Variants in ZNF577 observed in about 807,000 individuals in gnomAD.
ZNF577 encodes zinc finger protein 577.
A neutral mutation model predicts 13.9 loss-of-function variants in ZNF577; 14 were observed. The ratio of observed to expected loss-of-function variants is 1.00; its 90% CI spans 0.66 to 1.57. ZNF577 has a LOEUF of 1.57. Ranked by LOEUF, ZNF577 falls within the 40% of genes most tolerant of loss-of-function variation. The pLI is 0.00. For synonymous variants in ZNF577, 203 were observed against 202.9 expected (o/e 1.00, Z 0.00); for missense variants, 555 against 579.2 (o/e 0.96, Z 0.43).
chr19:51,880,237 A>T, intron 3 of ZNF577, 86 bp downstream of exon 3: 3 of 1,372,694 alleles, frequency 2.2e-6, no homozygotes, highest in South Asian at 2.4e-5. Flanking sequence ...CCTTTATTAC[A>T]AGGCTGACTT....
intron 10 of ZNF577, among the ~76,000 whole-genome samples, chr19:51,809,288 A>T (rs1191756313): frequency 1.3e-5 from 2 of 152,198 alleles, no homozygotes; most frequent in African/African-American, 4.8e-5. Flanking sequence ...GAACACTTTG[A>T]GCTGTTCCTA....
chr19:51,841,356 C>A (rs949008614), intron 8 of ZNF577, among the ~76,000 whole-genome samples: 2 of 152,188 alleles, frequency 1.3e-5, no homozygotes, highest in Non-Finnish European at 1.5e-5. Context: ...CTTTCTTTAA[C>A]CCTTGCCTTC....
intron 3 of ZNF577, 47 bp from the exon 4 acceptor site, chr19:51,878,562 A>G: frequency 3.1e-6 from 5 of 1,608,318 alleles, no homozygotes; most frequent in Non-Finnish European, 4.3e-6. Flanking sequence ...ACAATAGATG[A>G]TGCGGAGAAG....
At chr19:51,810,566 A>G (rs2084089218) in intron 10 of ZNF577, among the ~76,000 whole-genome samples, 1 of 152,222 alleles carries the variant, frequency 6.6e-6, no homozygotes, top group Non-Finnish European at 1.5e-5. Context: ...GCCATTACCT[A>G]ATAGCATATC....
intron 9 of ZNF577, among the ~76,000 whole-genome samples, chr19:51,837,042 T>C (rs1414705255): frequency 4.5e-5 from 4 of 88,872 alleles, no homozygotes; most frequent in Admixed American, 2.6e-4. Context: ...AGACTCTGTC[T>C]CAAAAAAAAA....
At chr19:51,813,337 T>C (rs973479229) in intron 9 of ZNF577, among the ~76,000 whole-genome samples, 4 of 152,062 alleles carry the variant, frequency 2.6e-5, no homozygotes, top group Admixed American at 6.5e-5. Context: ...ATCCTACCTA[T>C]GAGGGCAGAA....
intron 10 of ZNF577, among the ~76,000 whole-genome samples, chr19:51,809,360 T>C (rs2084082147): frequency 6.6e-6 from 1 of 152,234 alleles, no homozygotes; most frequent in Non-Finnish European, 1.5e-5. Context: ...TGTCTTTAGA[T>C]ATGACTGACA....
At chr19:51,821,740 A>C (rs1422131567) in intron 9 of ZNF577, among the ~76,000 whole-genome samples, 1 of 152,088 alleles carries the variant, frequency 6.6e-6, no homozygotes, top group Non-Finnish European at 1.5e-5. Flanking sequence ...CTGAATTTCA[A>C]ATCTTGCTGC....
At chr19:51,820,268 T>C (rs2084178360) in intron 9 of ZNF577, among the ~76,000 whole-genome samples, 1 of 152,224 alleles carries the variant, frequency 6.6e-6, no homozygotes, top group South Asian at 2.1e-4. Flanking sequence ...TCTGTAATCA[T>C]ACATCCAGTT....
intron 9 of ZNF577, chr19:51,825,974 G>GTT (rs1439383870): frequency 1.8e-5 from 3 of 166,882 alleles, no homozygotes; most frequent in African/African-American, 7.2e-5. Flanking sequence ...TCTTTTTAAA[G>GTT]TCAGACTGTT....
chr19:51,845,943 T>C (rs190325496), intron 5 of ZNF577, among the ~76,000 whole-genome samples: 3 of 152,376 alleles, frequency 2.0e-5, no homozygotes, highest in Non-Finnish European at 4.4e-5. Context: ...AGTGCAGCTA[T>C]ATCTGCAAAG....
At chr19:51,845,984 C>T (rs1375370049) in intron 5 of ZNF577, among the ~76,000 whole-genome samples, 1 of 152,020 alleles carries the variant, frequency 6.6e-6, no homozygotes, top group Non-Finnish European at 1.5e-5. Context: ...GATATGTGCC[C>T]AGTAGTAGGA....
chr19:51,845,643 GCCTTGGTAACCA>G (rs2084347767), intron 5 of ZNF577, among the ~76,000 whole-genome samples: 2 of 151,862 alleles, frequency 1.3e-5, no homozygotes, highest in Non-Finnish European at 2.9e-5. Context: ...CCCTCCCCCA[GCCTTGGTAACCA>G]CCATTCTACT....
At chr19:51,859,569 C>A (rs950405276) in intron 5 of ZNF577, among the ~76,000 whole-genome samples, 2 of 150,972 alleles carry the variant, frequency 1.3e-5, no homozygotes, top group Admixed American at 1.3e-4. Context: ...TTAGGTAAAT[C>A]TTTTATAATC....
intron 5 of ZNF577, among the ~76,000 whole-genome samples, chr19:51,852,229 C>CTTGAAAGAAGTGCCA (rs1238722669): frequency 6.6e-5 from 10 of 152,152 alleles, no homozygotes; most frequent in Non-Finnish European, 1.2e-4. Context: ...AGGTAGCCAT[C>CTTGAAAGAAGTGCCA]TTGAAAGAAG....
rs566733252 is a variant in ZNF577, at chr19:51,870,062, G to A, written c.*2470C>T. On this transcript the variant is annotated 3_prime_UTR_variant, in exon 6 of 6. Coordinates refer to ENST00000638348, the MANE Select transcript of ZNF577 (RefSeq NM_001370449.1). ...TCCCTGGGAGGATTAACATCCTAGG[G>A]GCATTGGGTCCAGTGCGTAGACTGA... Among the ~76,000 whole-genome samples the A allele has an allele frequency of 1.3e-5, 2 of 152,304 alleles. No individual in the cohort carries two copies. Among genetic ancestry groups the A allele is most frequent in the South Asian group, 4.2e-4 (2 of 4,814 alleles).
In ZNF577 at chr19:51,873,058, G is replaced by A. The variant is rs2084689139; in HGVS notation, c.932C>T (p.Ser311Leu). Reference sequence around the variant, plus strand: ...AATCCTCTGATGTCTGGTCAGGTCTGACTTAAAATAGAAGGTTCTTCCACA... The same window carrying A: ...AATCCTCTGATGTCTGGTCAGGTCTAACTTAAAATAGAAGGTTCTTCCACA... ...SDCGRTFYFK[S>L]DLTRHQRIHT... Residue 311 changes from serine to leucine, a missense_variant, in exon 6 of 6, where the codon TCA becomes TTA. By Grantham distance (145) the Ser-to-Leu change is moderately radical (BLOSUM62 -2). Coordinates refer to ENST00000638348, the MANE Select transcript of ZNF577 (RefSeq NM_001370449.1). 18 of 1,614,186 alleles carry A rather than the reference G, an allele frequency of 1.1e-5. No homozygotes were observed. Among genetic ancestry groups the A allele is most frequent in the Non-Finnish European group, 1.4e-5 (17 of 1,180,044 alleles).
chr19:51,860,236 C>T (rs1201568817), intron 5 of ZNF577: 1 of 152,194 alleles, frequency 6.6e-6, no homozygotes, highest in Non-Finnish European at 1.5e-5. Flanking sequence ...TAACTTATCA[C>T]TGATGCTTTT....
rs1422851351 is a variant in ZNF577 at position 51,867,786 on chromosome 19, A to C, written c.*4746T>G. Reference sequence around the variant, plus strand: ...GGCAAAAGAGCGAAACTCCATCTCAAATAAACAAAAAACAAAAACAAGCAA... The same window carrying C: ...GGCAAAAGAGCGAAACTCCATCTCACATAAACAAAAAACAAAAACAAGCAA... On this transcript the variant is annotated 3_prime_UTR_variant, in exon 6 of 6. Transcript: ENST00000638348. Among the ~76,000 whole-genome samples the C allele has an allele frequency of 6.6e-6, 1 of 152,078 alleles. No homozygotes were observed. The highest frequency in any genetic ancestry group is 2.4e-5 in the African/African-American group (1 of 41,406).
Sources: allele counts gnomAD v4.1 joint callset (sites outside exome capture counted in the v4.1 genomes callset), GRCh38; gene constraint gnomAD v4.1.1; transcripts MANE v1.5; gene names NCBI Gene and HGNC (gene_info 2026-07-23, HGNC 2026-07-21).